Variants in CSMD3 observed in about 807,000 individuals in gnomAD.
CSMD3 encodes CUB and Sushi multiple domains 3.
In CSMD3, 177 loss-of-function variants were observed where a neutral mutation model predicts 435.2. The ratio of observed to expected loss-of-function variants is 0.41; its 90% CI spans 0.36 to 0.46. The LOEUF (loss-of-function observed/expected upper bound fraction) is 0.46, where lower values mean the gene tolerates loss of function less well. Among genes scored for constraint, CSMD3 ranks in the 20% least tolerant of loss-of-function variants. CSMD3 has a pLI of 0.34. For missense variants in CSMD3, 4,265 were observed against 4,504.6 expected, an observed-to-expected ratio of 0.95 and a Z score of 1.52; for synonymous variants, 1,656 against 1,520.5, an observed-to-expected ratio of 1.09 and a Z score of -2.07.
chr8:112,260,125 T>A (rs879607463), intron 61 of CSMD3, among the ~76,000 whole-genome samples: 1 of 152,174 alleles, frequency 6.6e-6, no homozygotes, highest in Non-Finnish European at 1.5e-5. Flanking sequence ...ACTTTTAAGA[T>A]GAGAAAACAT....
At chr8:112,876,811 T>C (rs1348540633) in intron 10 of CSMD3, among the ~76,000 whole-genome samples, 1 of 152,106 alleles carries the variant, frequency 6.6e-6, no homozygotes, top group Non-Finnish European at 1.5e-5. Flanking sequence ...AGGGAGAAAG[T>C]CAAATTGTCT....
At position 113,229,540 on chromosome 8, in the gene CSMD3, A is replaced by G. The variant is rs569072058; in HGVS notation, c.514+49052T>C. The stretch of plus-strand genomic sequence containing the variant: ...TGGTATTCATTCACTTAGGAGCCCC[A>G]CTATCCTAGAGACTTGGGCATATTG... On this transcript the variant is annotated intron_variant, in intron 3 of 70. Transcript: ENST00000297405. Among the ~76,000 whole-genome samples the G allele has an allele frequency of 2.6e-4, 39 of 151,686 alleles. 1 individual carries two copies. In the South Asian group the frequency reaches 7.5e-3, roughly 29 times the overall value.
In CSMD3 at chr8:112,897,690, CTCTCTGTGTGTG is replaced by C. The variant is rs1327145871; in HGVS notation, c.1633+23925_1633+23936del. ...TCTCTCTCTCTCTCTCTCTCTCTCTCTCTCTGTGTGTGTGTGTGTGTGTGTGTGTGTGTGTGT... is the reference window on the plus strand; with the variant it reads ...TCTCTCTCTCTCTCTCTCTCTCTCTCTGTGTGTGTGTGTGTGTGTGTGTGT... On this transcript the variant is annotated intron_variant, in intron 10 of 70. Transcript: ENST00000297405. Among the ~76,000 whole-genome samples, 286 of 125,106 alleles carry C rather than the reference CTCTCTGTGTGTG, an allele frequency of 2.3e-3. 1 individual carries two copies. The highest frequency in any genetic ancestry group is 6.3e-3 in the African/African-American group (204 of 32,566). 82.1% of individuals were successfully genotyped at this position (125,106 alleles called of 152,430 possible). A position where few individuals can be genotyped will look rare whatever the true frequency, so the allele number is the denominator to read the frequency against.
At chr8:112,518,176 CT>C (rs1823878519) in intron 27 of CSMD3, among the ~76,000 whole-genome samples, 1 of 151,912 alleles carries the variant, frequency 6.6e-6, no homozygotes, top group Non-Finnish European at 1.5e-5. Context: ...TAGTTTCATT[CT>C]TTTATATAAC....
chr8:113,174,722 A>C (rs1157735234), intron 3 of CSMD3, among the ~76,000 whole-genome samples: 1 of 151,848 alleles, frequency 6.6e-6, no homozygotes, highest in Non-Finnish European at 1.5e-5. Context: ...AAAATATTAG[A>C]GGTTATTTGT....
chr8:112,800,649 T>C (rs771244238), intron 12 of CSMD3, among the ~76,000 whole-genome samples: 4 of 152,042 alleles, frequency 2.6e-5, no homozygotes, highest in Non-Finnish European at 5.9e-5. Flanking sequence ...TCACAGAACT[T>C]TGTTCTAGAG....
chr8:112,293,841 T>G (rs1294531339), intron 54 of CSMD3, among the ~76,000 whole-genome samples: 1 of 152,138 alleles, frequency 6.6e-6, no homozygotes, highest in Non-Finnish European at 1.5e-5. Context: ...AGCAATTATT[T>G]TTCAGCTGTA....
At chr8:112,685,149 T>C (rs1478623145) in intron 15 of CSMD3, among the ~76,000 whole-genome samples, 1 of 152,130 alleles carries the variant, frequency 6.6e-6, no homozygotes, top group Admixed American at 6.6e-5. Flanking sequence ...ATAAATATAT[T>C]GGCTTACATA....
At chr8:113,163,656 G>T (rs1246975992) in intron 4 of CSMD3, among the ~76,000 whole-genome samples, 1 of 151,830 alleles carries the variant, frequency 6.6e-6, no homozygotes, top group African/African-American at 2.4e-5. Context: ...TAACTTGCAG[G>T]GCAAATTCCA....
At chr8:112,337,009 A>T (rs1164791000) in intron 43 of CSMD3, among the ~76,000 whole-genome samples, 180 bp from the exon 44 acceptor site, 1 of 152,140 alleles carries the variant, frequency 6.6e-6, no homozygotes, top group East Asian at 1.9e-4. Flanking sequence ...GTCAACTTTT[A>T]TTTATTTTTC....
intron 15 of CSMD3, among the ~76,000 whole-genome samples, chr8:112,683,274 C>T (rs1032047359): frequency 3.3e-5 from 5 of 151,852 alleles, no homozygotes; most frequent in Non-Finnish European, 7.4e-5. Context: ...GAAAGTATTG[C>T]CATCTATTCA....
At chr8:112,502,130 G>T (rs1195534922) in intron 30 of CSMD3, among the ~76,000 whole-genome samples, 1 of 152,146 alleles carries the variant, frequency 6.6e-6, no homozygotes, top group Admixed American at 6.5e-5. Context: ...AGCTAGCCAG[G>T]TCCCCACAAA....
intron 13 of CSMD3, among the ~76,000 whole-genome samples, chr8:112,784,252 C>A (rs2078478152): frequency 6.6e-6 from 1 of 151,792 alleles, no homozygotes; most frequent in Non-Finnish European, 1.5e-5. Flanking sequence ...GGAAACATAA[C>A]ATACCAAAAC....
At chr8:113,025,205 A>G (rs1296045899) in intron 5 of CSMD3, among the ~76,000 whole-genome samples, 3 of 151,962 alleles carry the variant, frequency 2.0e-5, no homozygotes, top group African/African-American at 7.3e-5. Context: ...CCCTATGCGT[A>G]TATCTGTGCA....
chr8:112,626,782 T>A (rs554735946), intron 22 of CSMD3, among the ~76,000 whole-genome samples: 2 of 152,290 alleles, frequency 1.3e-5, no homozygotes, highest in East Asian at 3.9e-4. Flanking sequence ...GAACCACATA[T>A]GTCACTGTTG....
chr8:112,727,613 A>G (rs1252807070), intron 13 of CSMD3, among the ~76,000 whole-genome samples: 1 of 151,742 alleles, frequency 6.6e-6, no homozygotes, highest in Non-Finnish European at 1.5e-5. Context: ...GCCTATATAT[A>G]TATCTAATTA....
chr8:112,666,196 C>T (rs1249098533), intron 17 of CSMD3, 81 bp downstream of exon 17: 7 of 1,100,514 alleles, frequency 6.4e-6, no homozygotes, highest in Middle Eastern at 2.6e-4. Context: ...ATTAAACATT[C>T]ATTTGGTAAA....
At chr8:113,193,583 A>C (rs1338364847) in intron 3 of CSMD3, among the ~76,000 whole-genome samples, 1 of 151,424 alleles carries the variant, frequency 6.6e-6, no homozygotes, top group Non-Finnish European at 1.5e-5. Context: ...CTATATTCTT[A>C]TGCATTCATA....
At chr8:113,146,021 A>C (rs939468725) in intron 4 of CSMD3, among the ~76,000 whole-genome samples, 7 of 151,736 alleles carry the variant, frequency 4.6e-5, no homozygotes, top group Middle Eastern at 6.8e-3. Flanking sequence ...ATATTTTATG[A>C]GGAGAAAAGA....
Sources: gnomAD v4.1 joint callset for allele counts (sites outside exome capture counted in the v4.1 genomes callset) on GRCh38, gnomAD v4.1.1 for gene constraint, MANE v1.5 for transcripts, NCBI Gene and HGNC (gene_info 2026-07-23, HGNC 2026-07-21) for gene names.